MAP3K11: variants seen among roughly 807,000 people sequenced by gnomAD.
MAP3K11 encodes SH3 domain-containing proline-rich kinase.
In MAP3K11, 46 loss-of-function variants were observed where a neutral mutation model predicts 84.9. The ratio of observed to expected loss-of-function variants is 0.54; its 90% CI spans 0.43 to 0.69. MAP3K11 has a LOEUF of 0.69. Ranked by LOEUF, MAP3K11 falls within the 30% of genes least tolerant of loss-of-function variation. The pLI, the probability that MAP3K11 is intolerant of heterozygous loss-of-function variation, is 0.00. For missense variants in MAP3K11, 1,053 were observed against 1,198.3 expected (o/e 0.88, Z 1.79); for synonymous variants, 527 against 514.7 (o/e 1.02, Z -0.32).
In MAP3K11 at chr11:65,601,332, C is replaced by T. The variant is rs370453545; in HGVS notation, c.1832-1564G>A. Among the ~76,000 whole-genome samples the T allele has an allele frequency of 1.2e-4, 19 of 152,324 alleles. 1 individual carries two copies. The highest frequency in any genetic ancestry group is 4.6e-4 in the African/African-American group (19 of 41,582). ...TTCCTCTGTGAAGCCCTCCCAGAATCTCCCTGAACCTACACAGTTATTGCT... is the reference window on the plus strand; with the variant it reads ...TTCCTCTGTGAAGCCCTCCCAGAATTTCCCTGAACCTACACAGTTATTGCT... On this transcript the variant is annotated intron_variant, in intron 8 of 9. Transcript: ENST00000309100.
chr11:65,603,247 C>G (rs1237369110), intron 8 of MAP3K11, among the ~76,000 whole-genome samples: 1 of 152,262 alleles, frequency 6.6e-6, no homozygotes, highest in African/African-American at 2.4e-5. Flanking sequence ...CATAATCCAG[C>G]TAGGATTTGA....
chr11:65,607,020 G>T, intron 5 of MAP3K11: 2 of 610,080 alleles, frequency 3.3e-6, no homozygotes, highest in Non-Finnish European at 5.3e-6. Flanking sequence ...GGCCGGCCCC[G>T]CCCACTAGAC....
In MAP3K11 at chr11:65,599,549, G is replaced by T; in HGVS notation, c.2051C>A (p.Ala684Glu). 6.7e-7 allele frequency: 1 copy of T among 1,491,190 alleles called. No individual in the cohort carries two copies. Among genetic ancestry groups the T allele is most frequent in the Non-Finnish European group, 8.9e-7 (1 of 1,128,314 alleles). 92.4% of individuals were successfully genotyped at this position (1,491,190 alleles called of 1,614,324 possible). Reference protein sequence around the residue: ...SPTTPPTPTPAPCPTEPPPSP... With the variant: ...SPTTPPTPTPEPCPTEPPPSP... The stretch of plus-strand genomic sequence containing the variant: ...AGGGGGCGGCTCGGTCGGGCAGGGC[G>T]CGGGCGTTGGCGTGGGGGGTGTTGT... Residue 684 changes from alanine (A) to glutamate (E), a missense_variant, in exon 9 of 10, where the codon GCG becomes GAG. This residue lies in a region of MAP3K11 where 583 missense variants were observed against 566.6 expected (regional missense o/e 1.03). Transcript: ENST00000309100.
intron 5 of MAP3K11, 128 bp from the exon 6 acceptor site, chr11:65,606,932 A>C: frequency 1.6e-6 from 1 of 631,334 alleles, no homozygotes; most frequent in Non-Finnish European, 2.7e-6. Context: ...TGAGACTGTG[A>C]CCAGCCTCAC....
rs1565147339 is a variant in MAP3K11 at position 65,613,901 on chromosome 11, C to G, written c.-145G>C. 1 of 924,344 alleles carries G rather than the reference C, an allele frequency of 1.1e-6. No homozygotes were observed. The highest frequency in any genetic ancestry group is 1.7e-5 in the African/African-American group (1 of 59,526). 57.3% of individuals were successfully genotyped at this position (924,344 alleles called of 1,614,324 possible). On this transcript the variant is annotated 5_prime_UTR_variant, in exon 1 of 10. Coordinates refer to ENST00000309100, the MANE Select transcript of MAP3K11 (RefSeq NM_002419.4). ...CCCAGACCCACGCCTCTCTGGGGAGCCAGGAGTGTTGTCTCCCGGCCCCCC... is the reference window on the plus strand; with the variant it reads ...CCCAGACCCACGCCTCTCTGGGGAGGCAGGAGTGTTGTCTCCCGGCCCCCC...
chr11:65,608,075 G>A lies in MAP3K11; in HGVS notation c.921-5C>T, dbSNP rs1854533358. On this transcript the variant is annotated splice_polypyrimidine_tract_variant and splice_region_variant and intron_variant, in intron 2 of 9. Coordinates refer to ENST00000309100, the MANE Select transcript of MAP3K11 (RefSeq NM_002419.4). ...TCCCACAGCAGCACCCCAAAACTGT[G>A]GGCGAGACAACAGGTCTGTGTTCCC... 6.2e-7 allele frequency: 1 copy of A among 1,613,688 alleles called. No individual in the cohort carries two copies. The highest frequency in any genetic ancestry group is 1.1e-5 in the South Asian group (1 of 91,088).
At chr11:65,604,678 G>A (rs1187956195) in intron 8 of MAP3K11, among the ~76,000 whole-genome samples, 1 of 149,936 alleles carries the variant, frequency 6.7e-6, no homozygotes, top group Non-Finnish European at 1.5e-5. Flanking sequence ...AAGGTTAGCT[G>A]TTGTTACAAC....
chr11:65,599,638 C>T lies in MAP3K11; in HGVS notation c.1962G>A (p.Ser654=), dbSNP rs1392210455. The change falls in exon 9 of 10, where the codon TCG becomes TCA. Residue 654 remains serine, a synonymous_variant. Coordinates refer to ENST00000309100, the MANE Select transcript of MAP3K11 (RefSeq NM_002419.4). ...ALLRGTALLA[S]LGLGRDLQPP... is the part of the protein sequence containing the mutation. ...GCTGCAGGTCGCGGCCAAGGCCCAG[C>T]GAGGCGAGCAGGGCGGTGCCGCGCA... 16 of 1,539,712 alleles carry T rather than the reference C, an allele frequency of 1.0e-5. No individual in the cohort carries two copies. The highest frequency in any genetic ancestry group is 4.7e-5 in the South Asian group (4 of 84,918).
intron 1 of MAP3K11, chr11:65,611,046 C>T (rs1854565975): frequency 6.6e-6 from 1 of 152,378 alleles, no homozygotes; most frequent in African/African-American, 2.4e-5. Context: ...GCTCTCAGTG[C>T]CCCTTTAGGG....
chr11:65,608,356 T>C lies in MAP3K11; in HGVS notation c.832A>G (p.Thr278Ala). ...FGLAREWHKTTQMSAAGTYAW... is the reference protein window; with the variant it reads ...FGLAREWHKTAQMSAAGTYAW... ...TAGGTGCCCGCGGCACTCATTTGTGTGGTTTTGTGCCACTCTCGGGCCAGG... is the reference window on the plus strand; with the variant it reads ...TAGGTGCCCGCGGCACTCATTTGTGCGGTTTTGTGCCACTCTCGGGCCAGG... Residue 278 changes from threonine (T) to alanine (A), a missense_variant, in exon 2 of 10, where the codon ACA becomes GCA. Physicochemically the swap from Thr to Ala is moderately conservative, Grantham distance 58 (BLOSUM62 0). This residue lies in a region of MAP3K11 where 310 missense variants were observed against 464.5 expected (regional missense o/e 0.67). Transcript: ENST00000309100. 6.2e-7 allele frequency: 1 copy of C among 1,614,238 alleles called. No individual in the cohort carries two copies. Among genetic ancestry groups the C allele is most frequent in the Non-Finnish European group, 8.5e-7 (1 of 1,180,042 alleles).
intron 8 of MAP3K11, among the ~76,000 whole-genome samples, chr11:65,601,146 C>T (rs548360019): frequency 3.6e-4 from 55 of 152,330 alleles, no homozygotes; most frequent in African/African-American, 1.3e-3. Context: ...CCTGAGACTC[C>T]TCGGCTCTCA....
rs1323198011 is a variant in MAP3K11, at chr11:65,613,197, G to A, written c.560C>T (p.Pro187Leu). The A allele has an allele frequency of 6.3e-7, 1 of 1,587,264 alleles. No homozygotes were observed. The change falls in exon 1 of 10, where the codon CCC becomes CTC. Residue 187 changes from proline (P) to leucine (L), a missense_variant. Pro to Leu is a moderately conservative substitution (Grantham distance 98). This residue lies in a region of MAP3K11 where 310 missense variants were observed against 464.5 expected (regional missense o/e 0.67). Coordinates refer to ENST00000309100, the MANE Select transcript of MAP3K11 (RefSeq NM_002419.4). Reference sequence around the variant, plus strand: ...ATACTCCATCACCAGGCACAGGTTGGGCTCCTCCAGGCACACAGCCTTGAG... The same window carrying A: ...ATACTCCATCACCAGGCACAGGTTGAGCTCCTCCAGGCACACAGCCTTGAG... The part of the protein sequence containing the change: ...IALKAVCLEE[P>L]NLCLVMEYAA...
chr11:65,604,095 A>G (rs1854482309), intron 8 of MAP3K11, among the ~76,000 whole-genome samples: 1 of 152,248 alleles, frequency 6.6e-6, no homozygotes, highest in South Asian at 2.1e-4. Context: ...AATATGAAGA[A>G]TTTCTTTGGG....
At position 65,608,060 on chromosome 11, in the gene MAP3K11, G is replaced by C; in HGVS notation, c.931C>G (p.Leu311Val). Residue 311 changes from leucine (L) to valine (V), a missense_variant, in exon 3 of 10, where the codon CTG (leucine) becomes GTG (valine). Transcript: ENST00000309100. ...KGSDVWSFGV[L>V]LWELLTGEVP... is the part of the protein sequence containing the mutation. ...TCCCCGGTCAGCAGTTCCCACAGCA[G>C]CACCCCAAAACTGTGGGCGAGACAA... The C allele has an allele frequency of 6.2e-7, 1 of 1,614,124 alleles. No individual in the cohort carries two copies.
intron 8 of MAP3K11, among the ~76,000 whole-genome samples, chr11:65,603,905 T>C (rs1156338861): frequency 1.3e-5 from 2 of 152,258 alleles, no homozygotes; most frequent in African/African-American, 2.4e-5. Context: ...CAATTTCATA[T>C]TGTGGGAGCA....
At position 65,607,964 on chromosome 11, in the gene MAP3K11, T is replaced by TGGGCA; in HGVS notation, c.1022_1026dup (p.Ile343CysfsTer78). On this transcript the variant is annotated frameshift_variant, in exon 3 of 10. Coordinates refer to ENST00000309100, the MANE Select transcript of MAP3K11 (RefSeq NM_002419.4). LOFTEE classifies it high-confidence loss of function. ...AAGGGCTCGGGGCAGGTGGATGGGA[T>TGGGCA]GGGCAGTGTGAGCTTGTTAACAGCT... is the stretch of plus-strand genomic sequence containing the variant. 1 of 1,614,164 alleles carries TGGGCA rather than the reference T, an allele frequency of 6.2e-7. No individual in the cohort carries two copies. The highest frequency in any genetic ancestry group is 8.5e-7 in the Non-Finnish European group (1 of 1,180,014).
rs760201740 is a variant in MAP3K11 at position 65,613,276 on chromosome 11, C to T, written c.481G>A (p.Val161Ile). 113 of 1,612,144 alleles carry T rather than the reference C, an allele frequency of 7.0e-5. No homozygotes were observed. In the South Asian group the frequency reaches 8.4e-4, roughly 12 times the overall value. ...DEDISVTAES[V>I]RQEARLFAML... ...GCGAAGAGCCGGGCCTCCTGGCGAA[C>T]GCTCTCGGCTGTCACACTGATGTCC... The change falls in exon 1 of 10, where the codon GTT becomes ATT. Residue 161 changes from valine (V) to isoleucine (I), a missense_variant. Physicochemically the swap from Val to Ile is conservative, Grantham distance 29. Around this residue, in one of 3 missense-constraint regions of MAP3K11, gnomAD observed 310 missense variants for 464.5 expected, o/e 0.67. Transcript: ENST00000309100.
chr11:65,607,139 C>G lies in MAP3K11; in HGVS notation c.1489+131G>C. 2.4e-6 allele frequency: 3 copies of G among 1,238,638 alleles called. No homozygotes were observed. The South Asian group carries it at 5.1e-5, about 21-fold the overall frequency. 76.7% of individuals were successfully genotyped at this position (1,238,638 alleles called of 1,614,324 possible). A position where few individuals can be genotyped will look rare whatever the true frequency, so the allele number is the denominator to read the frequency against. On this transcript the variant is annotated intron_variant, in intron 5 of 9. Transcript: ENST00000309100. ...GAAAAAAAACACTCCTGGCTCCACC[C>G]CTCCCAGCCTTCATCTCACGGGCCC...
intron 8 of MAP3K11, among the ~76,000 whole-genome samples, chr11:65,603,398 T>C (rs1854475458): frequency 6.6e-6 from 1 of 152,260 alleles, no homozygotes; most frequent in Non-Finnish European, 1.5e-5. Context: ...CACAGCCACG[T>C]AGTTATTGGC....
Sources: allele counts gnomAD v4.1 joint callset (sites outside exome capture counted in the v4.1 genomes callset), GRCh38; gene constraint gnomAD v4.1.1; regional missense constraint gnomAD v4.1.1; transcripts MANE v1.5; gene names NCBI Gene and HGNC (gene_info 2026-07-23, HGNC 2026-07-21).